The following NMBR variants were observed in gnomAD, a reference collection of about 807,000 sequenced individuals.
The protein encoded by NMBR is neuromedin-B receptor.
Under a neutral mutation model 20.5 loss-of-function variants are expected in NMBR, and 16 were observed. The observed-to-expected ratio is 0.78, with a 90% confidence interval of 0.53 to 1.19. NMBR has a LOEUF of 1.19. NMBR is among the 50% of genes most tolerant of loss of function. The pLI, the probability that NMBR is intolerant of heterozygous loss-of-function variation, is 0.00. For missense variants in NMBR, 582 were observed against 499.1 expected, an observed-to-expected ratio of 1.17 and a Z score of -1.58; for synonymous variants, 212 against 196.6, an observed-to-expected ratio of 1.08 and a Z score of -0.65.
intron 2 of NMBR, among the ~76,000 whole-genome samples, chr6:142,087,055 A>G (rs1028460929): frequency 6.6e-6 from 1 of 152,210 alleles, no homozygotes; most frequent in African/African-American, 2.4e-5. Context: ...AAAATTAGGT[A>G]CATAATTTAT....
At chr6:142,089,962 A>G (rs898623113) in intron 1 of NMBR, among the ~76,000 whole-genome samples, 6 of 152,238 alleles carry the variant, frequency 3.9e-5, no homozygotes, top group East Asian at 1.9e-4. Context: ...TAAATTACTA[A>G]CTTATTTTTT....
intron 1 of NMBR, among the ~76,000 whole-genome samples, chr6:142,092,790 G>T (rs1003048303): frequency 3.9e-5 from 6 of 152,188 alleles, no homozygotes; most frequent in Non-Finnish European, 7.3e-5. Context: ...ACAGAGAAAA[G>T]TGAGTCATAC....
rs1001531532 is a variant in NMBR at position 142,088,519 on chromosome 6, G to C, written c.140C>G (p.Pro47Arg). Reference sequence around the variant, plus strand: ...GGTGATGATGAGCAGGTAGAGGGACGGGATCACACAGCGGATCACCAACTC... The same window carrying C: ...GGTGATGATGAGCAGGTAGAGGGACCGGATCACACAGCGGATCACCAACTC... ...TTELVIRCVIPSLYLLIITVG... is the reference protein window; with the variant it reads ...TTELVIRCVIRSLYLLIITVG... The change falls in exon 2 of 4, where the codon CCG (proline) becomes CGG (arginine). Residue 47 changes from proline (P) to arginine (R), a missense_variant. Physicochemically the swap from Pro to Arg is moderately radical, Grantham distance 103 (BLOSUM62 -2). Transcript: ENST00000258042. 3 of 1,614,040 alleles carry C rather than the reference G, an allele frequency of 1.9e-6. No homozygotes were observed. The highest frequency in any genetic ancestry group is 2.5e-6 in the Non-Finnish European group (3 of 1,180,010).
intron 2 of NMBR, among the ~76,000 whole-genome samples, chr6:142,081,171 G>C (rs1373621872): frequency 6.6e-6 from 1 of 152,040 alleles, no homozygotes; most frequent in Non-Finnish European, 1.5e-5. Flanking sequence ...TCTTTTATAA[G>C]GGTATGAATC....
Position 142,076,045 on chromosome 6 carries a change from T to C in NMBR, c.776A>G (p.Glu259Gly). 3.8e-6 allele frequency: 6 copies of C among 1,568,282 alleles called. No individual in the cohort carries two copies. The highest frequency in any genetic ancestry group is 5.2e-6 in the Non-Finnish European group (6 of 1,160,516). ...AATTTTAGCCAGGCGTTTCCGTGTT[T>C]CCATCTGCAAATATAAGAAATTGAT... is the stretch of plus-strand genomic sequence containing the variant. The part of the protein sequence containing the change: ...EYNEHTKKQM[E>G]TRKRLAKIVL... The change falls in exon 4 of 4, where the codon GAA becomes GGA. Residue 259 changes from glutamate to glycine, a missense_variant. Physicochemically the swap from Glu to Gly is moderately conservative, Grantham distance 98. Transcript: ENST00000258042.
At chr6:142,108,939 G>C (rs566699585) in intron 1 of NMBR, among the ~76,000 whole-genome samples, 71 of 152,268 alleles carry the variant, frequency 4.7e-4, no homozygotes, top group Middle Eastern at 3.4e-3. Flanking sequence ...GATACAATGA[G>C]AGTACCGGCA....
At chr6:142,099,189 A>G (rs1182367593) in intron 1 of NMBR, among the ~76,000 whole-genome samples, 1 of 152,212 alleles carries the variant, frequency 6.6e-6, no homozygotes, top group East Asian at 1.9e-4. Context: ...TATGTAAACC[A>G]CAAAAATTAT....
chr6:142,135,178 A>G (rs911570461), intron 1 of NMBR: 3 of 198,032 alleles, frequency 1.5e-5, no homozygotes, highest in Admixed American at 5.9e-5. Flanking sequence ...GAGTTCTCTC[A>G]CATACATGTT....
At chr6:142,093,822 C>T (rs904298162) in intron 1 of NMBR, among the ~76,000 whole-genome samples, 1 of 152,094 alleles carries the variant, frequency 6.6e-6, no homozygotes, top group African/African-American at 2.4e-5. Context: ...CTGTTGTTTC[C>T]TGACTTTTTA....
chr6:142,075,826 C>T lies in NMBR; in HGVS notation c.995G>A (p.Arg332Lys), dbSNP rs550434021. 3 of 1,614,054 alleles carry T rather than the reference C, an allele frequency of 1.9e-6. No homozygotes were observed. The highest frequency in any genetic ancestry group is 2.2e-5 in the South Asian group (2 of 91,076). The change falls in exon 4 of 4, where the codon AGG becomes AAG. Residue 332 changes from arginine (R) to lysine (K), a missense_variant. By Grantham distance (26) the Arg-to-Lys change is conservative. Coordinates refer to ENST00000258042, the MANE Select transcript of NMBR (RefSeq NM_002511.4). ...FALYLLSESF[R>K]RHFNSQLCCG... is the part of the protein sequence containing the mutation. ...GCAGAGTTGGCTGTTGAAATGCCTC[C>T]TGAAGCTTTCACTGAGTAGGTAAAG...
intron 1 of NMBR, among the ~76,000 whole-genome samples, chr6:142,101,563 C>T (rs1777565748): frequency 6.6e-6 from 1 of 152,032 alleles, no homozygotes; most frequent in Non-Finnish European, 1.5e-5. Flanking sequence ...CTCCTGTTTA[C>T]AGGAGAAAAA....
At chr6:142,080,309 A>AT (rs1233782975) in intron 2 of NMBR, among the ~76,000 whole-genome samples, 1 of 128,646 alleles carries the variant, frequency 7.8e-6, no homozygotes. Flanking sequence ...CTTGCCCTAT[A>AT]TCTTTTTTTT....
chr6:142,081,209 C>T (rs1414544527), intron 2 of NMBR, among the ~76,000 whole-genome samples: 1 of 151,960 alleles, frequency 6.6e-6, no homozygotes, highest in East Asian at 1.9e-4. Flanking sequence ...ACTCTCATGA[C>T]CTAATCACCT....
chr6:142,130,379 G>T (rs561966096), intron 1 of NMBR, among the ~76,000 whole-genome samples: 1 of 151,916 alleles, frequency 6.6e-6, no homozygotes, highest in African/African-American at 2.4e-5. Flanking sequence ...TAGGGTAAAA[G>T]TCAAATTAAT....
intron 1 of NMBR, among the ~76,000 whole-genome samples, chr6:142,142,257 A>T (rs1778372873): frequency 1.3e-5 from 2 of 152,228 alleles, no homozygotes; most frequent in Admixed American, 1.3e-4. Flanking sequence ...ATTCCACTAA[A>T]TGTTTAAGGA....
In NMBR at chr6:142,099,180, A is replaced by G. The variant is rs375244814; in HGVS notation, c.-663-9859T>C. 1.3e-4 allele frequency among the ~76,000 whole-genome samples: 20 copies of G among 152,332 alleles called. 1 individual carries two copies. The South Asian group carries it at 3.9e-3, about 30-fold the overall frequency. ...CACGAAAAGTAGATCACAGACCTATATGTAAACCACAAAAATTATAAAATT... is the reference window on the plus strand; with the variant it reads ...CACGAAAAGTAGATCACAGACCTATGTGTAAACCACAAAAATTATAAAATT... On this transcript the variant is annotated intron_variant, in intron 1 of 3. Transcript: ENST00000258042.
chr6:142,110,731 T>C (rs1777747706), intron 1 of NMBR, among the ~76,000 whole-genome samples: 1 of 152,108 alleles, frequency 6.6e-6, no homozygotes, highest in Non-Finnish European at 1.5e-5. Flanking sequence ...TGATATGAAT[T>C]ATATATCAAC....
chr6:142,099,255 G>T (rs180763659), intron 1 of NMBR, among the ~76,000 whole-genome samples: 23 of 152,084 alleles, frequency 1.5e-4, no homozygotes, highest in Admixed American at 6.6e-4. Context: ...GTATTCGTTC[G>T]TTTTCACACT....
At chr6:142,076,859 G>T (rs1446806914) in intron 3 of NMBR, among the ~76,000 whole-genome samples, 1 of 152,156 alleles carries the variant, frequency 6.6e-6, no homozygotes, top group Non-Finnish European at 1.5e-5. Flanking sequence ...TTGGTAGTAG[G>T]TATCATAATA....
Sources: gnomAD v4.1 joint callset for allele counts (sites outside exome capture counted in the v4.1 genomes callset) on GRCh38, gnomAD v4.1.1 for gene constraint, MANE v1.5 for transcripts, NCBI Gene and HGNC (gene_info 2026-07-23, HGNC 2026-07-21) for gene names.